BANK1: variants seen among roughly 807,000 people sequenced by gnomAD.
BANK1 encodes the protein B cell scaffold protein with ankyrin repeats 1, also known as B-cell scaffold protein with ankyrin repeats.
BANK1 carries 95 observed loss-of-function variants against 94.5 expected under a neutral mutation model. The observed-to-expected ratio is 1.00, with a 90% CI of 0.85 to 1.19. BANK1 has a LOEUF of 1.19. Among genes scored for constraint, BANK1 ranks in the 50% most tolerant of loss-of-function variants. BANK1 has a pLI of 0.00. For missense variants in BANK1, 987 were observed against 932.2 expected (o/e 1.06, Z -0.77); for synonymous variants, 334 against 308.4 (o/e 1.08, Z -0.87).
chr4:101,894,274 C>T (rs1721986482), intron 5 of BANK1, among the ~76,000 whole-genome samples: 1 of 151,960 alleles, frequency 6.6e-6, no homozygotes, highest in Admixed American at 6.6e-5. Flanking sequence ...TTTGCACAAT[C>T]TGTGGTGTTT....
intron 7 of BANK1, among the ~76,000 whole-genome samples, chr4:101,922,994 T>C (rs965689530): frequency 2.0e-5 from 3 of 151,824 alleles, no homozygotes; most frequent in African/African-American, 7.2e-5. Flanking sequence ...AAATTTTCCA[T>C]TTTCCTTTAC....
rs145403531 is a variant in BANK1 at position 101,949,404 on chromosome 4, G to A, written c.1206+31215G>A. Among the ~76,000 whole-genome samples, 59 of 152,172 alleles carry A rather than the reference G, an allele frequency of 3.9e-4. No individual in the cohort carries two copies. The East Asian group carries it at 4.8e-3, about 12-fold the overall frequency. ...TTACAAGACAAAAGACAGGGATATCGGGATGCCTTAATTAGAACCCTAATG... is the reference window on the plus strand; with the variant it reads ...TTACAAGACAAAAGACAGGGATATCAGGATGCCTTAATTAGAACCCTAATG... On this transcript the variant is annotated intron_variant, in intron 7 of 16. Transcript: ENST00000322953.
At chr4:101,887,102 C>T (rs1267955461) in intron 5 of BANK1, among the ~76,000 whole-genome samples, 2 of 152,126 alleles carry the variant, frequency 1.3e-5, no homozygotes, top group African/African-American at 4.8e-5. Context: ...ATGCTCTCTC[C>T]CTCACTGGCT....
chr4:101,894,708 A>G (rs1040589713), intron 5 of BANK1, among the ~76,000 whole-genome samples: 11 of 151,974 alleles, frequency 7.2e-5, no homozygotes, highest in Non-Finnish European at 1.2e-4. Flanking sequence ...GTAACAGGTT[A>G]TATCATGGGC....
At chr4:102,064,448 A>G (rs1728522936) in intron 13 of BANK1, among the ~76,000 whole-genome samples, 1 of 152,192 alleles carries the variant, frequency 6.6e-6, no homozygotes, top group South Asian at 2.1e-4. Flanking sequence ...TATCACCTAT[A>G]CATTATTGTT....
At chr4:102,073,601 A>C in intron 15 of BANK1, 83 bp from the exon 16 acceptor site, 2 of 1,292,624 alleles carry the variant, frequency 1.5e-6, no homozygotes, top group African/African-American at 1.5e-5. Flanking sequence ...AAAGGCAACT[A>C]TAACTTTGTC....
intron 13 of BANK1, among the ~76,000 whole-genome samples, chr4:102,069,234 T>C (rs537847375): frequency 2.0e-5 from 3 of 152,288 alleles, no homozygotes; most frequent in South Asian, 4.1e-4. Context: ...TATGGAAATA[T>C]AGTTGTATGT....
chr4:101,921,496 A>T (rs569777947), intron 7 of BANK1, among the ~76,000 whole-genome samples: 37 of 152,078 alleles, frequency 2.4e-4, no homozygotes, highest in African/African-American at 8.7e-4. Flanking sequence ...GTGCTTTGAG[A>T]TTTAAGATAA....
intron 6 of BANK1, among the ~76,000 whole-genome samples, chr4:101,906,125 C>G (rs1326853432): frequency 6.6e-6 from 1 of 152,066 alleles, no homozygotes; most frequent in Non-Finnish European, 1.5e-5. Context: ...TTTTATCTGC[C>G]CATCAAGTTT....
intron 3 of BANK1, among the ~76,000 whole-genome samples, chr4:101,858,008 G>A (rs1727741204): frequency 6.6e-6 from 1 of 152,150 alleles, no homozygotes; most frequent in Non-Finnish European, 1.5e-5. Context: ...TGCATCCACT[G>A]TTCAAACGAA....
chr4:101,894,330 A>G (rs1721989851), intron 5 of BANK1, among the ~76,000 whole-genome samples: 2 of 152,090 alleles, frequency 1.3e-5, no homozygotes. Flanking sequence ...TTACATAGCT[A>G]CAAGTTGAGA....
intron 8 of BANK1, among the ~76,000 whole-genome samples, chr4:102,023,504 C>T (rs866263638): frequency 6.6e-6 from 1 of 152,114 alleles, no homozygotes; most frequent in African/African-American, 2.4e-5. Flanking sequence ...CAGTTTGAAA[C>T]TACAAACTCT....
intron 2 of BANK1, among the ~76,000 whole-genome samples, chr4:101,837,056 A>G (rs2148866133): frequency 6.6e-6 from 1 of 152,312 alleles, no homozygotes; most frequent in South Asian, 2.1e-4. Flanking sequence ...ATGGGGCTCT[A>G]CGTCACCTAT....
At chr4:101,980,257 T>C (rs569784621) in intron 7 of BANK1, among the ~76,000 whole-genome samples, 2 of 151,996 alleles carry the variant, frequency 1.3e-5, no homozygotes, top group East Asian at 3.9e-4. Flanking sequence ...TAATTTTGTT[T>C]TCATTTTTAA....
chr4:101,917,497 T>C (rs571738717), intron 6 of BANK1, among the ~76,000 whole-genome samples: 80 of 152,048 alleles, frequency 5.3e-4, no homozygotes, highest in African/African-American at 1.8e-3. Context: ...TATTTTCTGA[T>C]GCAGTTAGTT....
chr4:101,955,251 C>G (rs768172843), intron 7 of BANK1, among the ~76,000 whole-genome samples: 4 of 152,140 alleles, frequency 2.6e-5, no homozygotes, highest in Non-Finnish European at 5.9e-5. Context: ...ATATATCTTT[C>G]TGGCACTGGC....
chr4:101,862,442 C>T (rs1465328920), intron 3 of BANK1, 84 bp from the exon 4 acceptor site: 1 of 1,148,492 alleles, frequency 8.7e-7, no homozygotes, highest in Non-Finnish European at 1.2e-6. Flanking sequence ...AGTGTATTAC[C>T]TTAATTATAA....
At chr4:101,872,360 C>G (rs1230661057) in intron 5 of BANK1, among the ~76,000 whole-genome samples, 1 of 152,090 alleles carries the variant, frequency 6.6e-6, no homozygotes, top group Non-Finnish European at 1.5e-5. Context: ...AAATCTGAGA[C>G]TGGGATCTCA....
chr4:101,852,091 T>G (rs908732912), intron 2 of BANK1, among the ~76,000 whole-genome samples: 3 of 152,118 alleles, frequency 2.0e-5, no homozygotes. Flanking sequence ...CTCTGTTCAT[T>G]TAGTTCCAGA....
Sources: gnomAD v4.1 joint callset for allele counts (sites outside exome capture counted in the v4.1 genomes callset) on GRCh38, gnomAD v4.1.1 for gene constraint, MANE v1.5 for transcripts, NCBI Gene and HGNC (gene_info 2026-07-23, HGNC 2026-07-21) for gene names.